CDH23: variants seen among roughly 807,000 people sequenced by gnomAD.
The protein encoded by CDH23 is cadherin related 23, also known as cadherin-23.
Under a neutral mutation model 317.1 loss-of-function variants are expected in CDH23, and 189 were observed. The observed-to-expected ratio is 0.60, with a 90% CI of 0.53 to 0.67. The LOEUF (loss-of-function observed/expected upper bound fraction) is 0.67, where lower values mean the gene tolerates loss of function less well. CDH23 is among the 30% of genes least tolerant of loss of function. The probability of loss-of-function intolerance (pLI) is 0.00; values close to 1 mark genes in which losing one functional copy is unlikely to be tolerated. For missense variants in CDH23, 4,401 were observed against 4,592.4 expected, an observed-to-expected ratio of 0.96 and a Z score of 1.20; for synonymous variants, 1,839 against 1,876.8, an observed-to-expected ratio of 0.98 and a Z score of 0.52.
At chr10:71,709,875 T>G (rs1387914484) in intron 27 of CDH23, among the ~76,000 whole-genome samples, 1 of 152,042 alleles carries the variant, frequency 6.6e-6, no homozygotes, top group Admixed American at 6.5e-5. Flanking sequence ...GGAGGCCACG[T>G]GGAACTCACA....
intron 38 of CDH23, among the ~76,000 whole-genome samples, chr10:71,742,713 G>A (rs904851340): frequency 6.6e-6 from 1 of 152,228 alleles, no homozygotes; most frequent in Non-Finnish European, 1.5e-5. Context: ...GCTCATGTCT[G>A]TGGAAGCACT....
intron 3 of CDH23, among the ~76,000 whole-genome samples, chr10:71,485,023 C>CTTT (rs56153129): frequency 1.8e-5 from 2 of 110,146 alleles, no homozygotes; most frequent in East Asian, 2.7e-4. Context: ...TTTCTTTTTT[C>CTTT]TTTTTTTTTT....
chr10:71,716,453 TG>T, intron 28 of CDH23: 4 of 821,676 alleles, frequency 4.9e-6, no homozygotes, highest in Non-Finnish European at 5.6e-6. Flanking sequence ...ACTGTTAAAC[TG>T]GACAGCATCA....
chr10:71,570,157 C>T (rs534229841), intron 7 of CDH23, among the ~76,000 whole-genome samples: 1 of 152,198 alleles, frequency 6.6e-6, no homozygotes. Context: ...TCGGAGTCCC[C>T]CAGATGTCAC....
At chr10:71,626,538 C>T (rs1176383094) in intron 11 of CDH23, among the ~76,000 whole-genome samples, 5 of 152,224 alleles carry the variant, frequency 3.3e-5, no homozygotes, top group Non-Finnish European at 7.3e-5. Context: ...GAGACCCAGT[C>T]AATGCACATT....
At chr10:71,802,306 C>A (rs1189974552) in intron 53 of CDH23, among the ~76,000 whole-genome samples, 1 of 152,176 alleles carries the variant, frequency 6.6e-6, no homozygotes, top group Non-Finnish European at 1.5e-5. Context: ...GAAACTCCAT[C>A]GAAGAAAATA....
At chr10:71,557,473 G>A (rs1856927786) in intron 6 of CDH23, among the ~76,000 whole-genome samples, 1 of 152,176 alleles carries the variant, frequency 6.6e-6, no homozygotes, top group Non-Finnish European at 1.5e-5. Context: ...GGGTCACTCT[G>A]AGGAATCTGT....
chr10:71,773,363 G>T lies in CDH23; in HGVS notation c.4846-4317G>T. On this transcript the variant is annotated intron_variant, in intron 38 of 69. Transcript: ENST00000224721. ...CCCGCCTCCCCCGACCTTACCTAGG[G>T]ACGCAGCCAGGAAGAGAGCGAAGAG... is the stretch of plus-strand genomic sequence containing the variant. The T allele has an allele frequency of 1.9e-6, 3 of 1,607,730 alleles. No homozygotes were observed. In the Admixed American group the frequency reaches 5.0e-5, roughly 27 times the overall value.
intron 9 of CDH23, among the ~76,000 whole-genome samples, chr10:71,614,339 G>A (rs1378373998): frequency 6.6e-6 from 1 of 152,244 alleles, no homozygotes; most frequent in East Asian, 1.9e-4. Context: ...GTGAATGAAT[G>A]GGAGTGAGTG....
chr10:71,808,247 C>T (rs1475894038), intron 60 of CDH23, among the ~76,000 whole-genome samples: 1 of 152,254 alleles, frequency 6.6e-6, no homozygotes, highest in East Asian at 1.9e-4. Flanking sequence ...TTCAACTCAT[C>T]TATCCATTAG....
Position 71,687,688 on chromosome 10 carries a change from C to T in CDH23, c.2028C>T (p.Tyr676=). 1.9e-6 allele frequency: 3 copies of T among 1,613,906 alleles called. No homozygotes were observed. The highest frequency in any genetic ancestry group is 1.7e-6 in the Non-Finnish European group (2 of 1,179,874). The part of the protein sequence containing the change: ...DNPPTFSKPA[Y]FVSVVENIMA... ...CTCCCACCTTCAGCAAGCCCGCCTA[C>T]TTCGTCTCCGTGGTGGAGAACATCA... Residue 676 remains tyrosine, a synonymous_variant, in exon 19 of 70, where the codon TAC becomes TAT. Coordinates refer to ENST00000224721, the MANE Select transcript of CDH23 (RefSeq NM_022124.6).
chr10:71,668,724 G>T (rs756003046), intron 14 of CDH23, among the ~76,000 whole-genome samples: 1 of 152,100 alleles, frequency 6.6e-6, no homozygotes, highest in Non-Finnish European at 1.5e-5. Flanking sequence ...CCTTCCCCTC[G>T]CTACAGCCAG....
intron 2 of CDH23, among the ~76,000 whole-genome samples, chr10:71,440,336 T>G (rs1275771608): frequency 6.6e-6 from 1 of 152,160 alleles, no homozygotes; most frequent in Non-Finnish European, 1.5e-5. Flanking sequence ...GCTCAGAGCC[T>G]GGCAGGGGAG....
intron 14 of CDH23, among the ~76,000 whole-genome samples, chr10:71,655,727 G>C (rs772540573): frequency 6.6e-6 from 1 of 152,094 alleles, no homozygotes; most frequent in Non-Finnish European, 1.5e-5. Flanking sequence ...GTCTGGGGTG[G>C]TCTGGGGTAT....
chr10:71,712,964 G>C (rs987212460), intron 28 of CDH23, 151 bp downstream of exon 28: 7 of 938,942 alleles, frequency 7.5e-6, no homozygotes, highest in Non-Finnish European at 1.0e-5. Flanking sequence ...GTGGGGAAAG[G>C]GGGACCCAGG....
At chr10:71,696,131 C>A (rs887597103) in intron 22 of CDH23, among the ~76,000 whole-genome samples, 1 of 152,218 alleles carries the variant, frequency 6.6e-6, no homozygotes, top group African/African-American at 2.4e-5. Flanking sequence ...GCATCTCCAG[C>A]GGAGACCAGA....
At chr10:71,402,194 G>A (rs1238719565) in intron 1 of CDH23, among the ~76,000 whole-genome samples, 1 of 152,228 alleles carries the variant, frequency 6.6e-6, no homozygotes, top group Non-Finnish European at 1.5e-5. Context: ...ATAGCTCAAT[G>A]TATTGGTGAG....
chr10:71,539,275 C>A (rs67368539), intron 6 of CDH23, among the ~76,000 whole-genome samples: 2 of 152,048 alleles, frequency 1.3e-5, no homozygotes, highest in African/African-American at 4.8e-5. Flanking sequence ...AGCCTAGGAC[C>A]CTCATGCCTG....
intron 3 of CDH23, among the ~76,000 whole-genome samples, chr10:71,493,188 A>C (rs934493951): frequency 4.6e-5 from 7 of 152,156 alleles, no homozygotes; most frequent in Non-Finnish European, 8.8e-5. Flanking sequence ...TACATATTTC[A>C]AGTTATTATG....
Sources: gnomAD v4.1 joint callset for allele counts (sites outside exome capture counted in the v4.1 genomes callset) on GRCh38, gnomAD v4.1.1 for gene constraint, MANE v1.5 for transcripts, NCBI Gene and HGNC (gene_info 2026-07-23, HGNC 2026-07-21) for gene names.